Variants in ANKS1B observed in about 807,000 individuals in gnomAD.
The protein encoded by ANKS1B is ankyrin repeat and sterile alpha motif domain containing 1B, also known as ankyrin repeat and sterile alpha motif domain-containing protein 1B.
A neutral mutation model predicts 148.3 loss-of-function variants in ANKS1B; 36 were observed. The observed-to-expected ratio is 0.24, with a 90% CI of 0.19 to 0.32. ANKS1B has a LOEUF of 0.32. ANKS1B is among the 10% of genes least tolerant of loss of function. The probability of loss-of-function intolerance (pLI) is 1.00; values close to 1 mark genes in which losing one functional copy is unlikely to be tolerated. For synonymous variants in ANKS1B, 542 were observed against 560.8 expected (o/e 0.97, Z 0.47); for missense variants, 1,157 against 1,542.6 (o/e 0.75, Z 4.19).
chr12:98,975,464 T>C (rs1286705076), intron 17 of ANKS1B, among the ~76,000 whole-genome samples: 1 of 151,996 alleles, frequency 6.6e-6, no homozygotes, highest in East Asian at 1.9e-4. Context: ...AGTCACCGAA[T>C]GTTTTTTGAG....
At chr12:99,640,834 C>T (rs1238098301) in intron 9 of ANKS1B, among the ~76,000 whole-genome samples, 1 of 152,150 alleles carries the variant, frequency 6.6e-6, no homozygotes, top group Non-Finnish European at 1.5e-5. Flanking sequence ...AACTATTCTA[C>T]AGGAACTCAT....
Position 99,365,898 on chromosome 12 carries a change from T to TA in ANKS1B, c.1756+33732dup, listed in dbSNP as rs547785341. Among the ~76,000 whole-genome samples the TA allele has an allele frequency of 1.5e-3, 229 of 152,054 alleles. 1 individual carries two copies. Among genetic ancestry groups the TA allele is most frequent in the African/African-American group, 5.3e-3 (220 of 41,486 alleles). ...AGGGTCGTACTGAAACAAAATTGTATAAAAAAATAAGAAAAGAAAGAGAAT... is the reference window on the plus strand; with the variant it reads ...AGGGTCGTACTGAAACAAAATTGTATAAAAAAAATAAGAAAAGAAAGAGAAT... On this transcript the variant is annotated intron_variant, in intron 12 of 26. Transcript: ENST00000683438.
chr12:98,907,005 CTGTGTGTGTGTGTGTGTGTGTGTG>C (rs59857138), intron 17 of ANKS1B, among the ~76,000 whole-genome samples: 172 of 145,744 alleles, frequency 1.2e-3, no homozygotes, highest in African/African-American at 3.9e-3. Context: ...CATAGTTACT[CTGTGTGTGTGTGTGTGTGTGTGTG>C]TGTGTGTGTG....
intron 17 of ANKS1B, among the ~76,000 whole-genome samples, chr12:99,011,386 A>G (rs2099939314): frequency 6.6e-6 from 1 of 152,246 alleles, no homozygotes; most frequent in South Asian, 2.1e-4. Context: ...AAGTGTGAGT[A>G]AAATAACCGC....
intron 15 of ANKS1B, among the ~76,000 whole-genome samples, chr12:99,108,102 A>G (rs1566122693): frequency 6.6e-6 from 1 of 152,244 alleles, no homozygotes; most frequent in Admixed American, 6.5e-5. Context: ...ACATAGCTAC[A>G]TTACTGCAAG....
intron 1 of ANKS1B, among the ~76,000 whole-genome samples, chr12:99,887,435 T>C (rs2092885519): frequency 6.6e-6 from 1 of 152,216 alleles, no homozygotes; most frequent in Non-Finnish European, 1.5e-5. Context: ...TCTTTTCACG[T>C]TTCAAAGTGT....
chr12:99,376,874 C>T (rs1015366215), intron 12 of ANKS1B, among the ~76,000 whole-genome samples: 2 of 152,150 alleles, frequency 1.3e-5, no homozygotes, highest in Admixed American at 6.5e-5. Context: ...TCTCCTGAAT[C>T]AATCCCAGTA....
intron 1 of ANKS1B, among the ~76,000 whole-genome samples, chr12:99,906,375 A>ATTGG (rs2093782892): frequency 6.6e-6 from 1 of 152,248 alleles, no homozygotes; most frequent in Non-Finnish European, 1.5e-5. Flanking sequence ...ACTTTGTCCA[A>ATTGG]ACAAAGTCTT....
At chr12:99,849,040 G>A (rs1407108657) in intron 1 of ANKS1B, among the ~76,000 whole-genome samples, 1 of 152,084 alleles carries the variant, frequency 6.6e-6, no homozygotes, top group Non-Finnish European at 1.5e-5. Context: ...GGGAAATAAA[G>A]AGGGGGAAAG....
At chr12:99,621,461 G>GAAAA (rs199847091) in intron 9 of ANKS1B, among the ~76,000 whole-genome samples, 1 of 112,776 alleles carries the variant, frequency 8.9e-6, no homozygotes, top group Non-Finnish European at 1.9e-5. Flanking sequence ...AGGCAAATTG[G>GAAAA]AAAAAAAAAA....
At chr12:99,580,043 T>C (rs2097555672) in intron 9 of ANKS1B, among the ~76,000 whole-genome samples, 2 of 152,204 alleles carry the variant, frequency 1.3e-5, no homozygotes, top group Admixed American at 1.3e-4. Flanking sequence ...TTATGTCCTT[T>C]GCATCAACAT....
At chr12:98,762,979 A>T (rs1406762682) in intron 25 of ANKS1B, among the ~76,000 whole-genome samples, 2 of 152,146 alleles carry the variant, frequency 1.3e-5, no homozygotes, top group Non-Finnish European at 2.9e-5. Flanking sequence ...GAAAAGGGGG[A>T]ATATGGATGG....
Position 99,574,188 on chromosome 12 carries a change from A to T in ANKS1B, c.1273-69547T>A, listed in dbSNP as rs545616054. ...AAGAATCCAATGAAATCTCTGTTAC[A>T]GTTACATCACAGTTCAACTTCTTTT... is the stretch of plus-strand genomic sequence containing the variant. On this transcript the variant is annotated intron_variant, in intron 9 of 26. Transcript: ENST00000683438. Among the ~76,000 whole-genome samples, 38 of 152,254 alleles carry T rather than the reference A, an allele frequency of 2.5e-4. 2 individuals are homozygous for T. The East Asian group carries it at 2.5e-3, about 10-fold the overall frequency.
At chr12:99,191,780 C>T (rs1231380723) in intron 14 of ANKS1B, among the ~76,000 whole-genome samples, 5 of 152,064 alleles carry the variant, frequency 3.3e-5, no homozygotes, top group African/African-American at 9.7e-5. Flanking sequence ...CACCGTGGCA[C>T]GTGTATACCT....
At chr12:99,774,374 T>C (rs1415708059) in intron 7 of ANKS1B, among the ~76,000 whole-genome samples, 1 of 152,062 alleles carries the variant, frequency 6.6e-6, no homozygotes. Context: ...CCAAGGTATA[T>C]GAAAAGGTGC....
At chr12:98,991,020 G>C (rs1375781313) in intron 17 of ANKS1B, among the ~76,000 whole-genome samples, 1 of 152,202 alleles carries the variant, frequency 6.6e-6, no homozygotes, top group Non-Finnish European at 1.5e-5. Flanking sequence ...TTTTCTGAAA[G>C]TAAGTCAGTG....
chr12:99,337,750 T>G (rs2089205582), intron 12 of ANKS1B, among the ~76,000 whole-genome samples: 1 of 152,202 alleles, frequency 6.6e-6, no homozygotes, highest in African/African-American at 2.4e-5. Flanking sequence ...CTGAGACTTT[T>G]AGAGACTTAC....
In ANKS1B at chr12:99,812,896, A is replaced by C. The variant is rs150944225; in HGVS notation, c.216-585T>G. 5.6e-3 allele frequency among the ~76,000 whole-genome samples: 851 copies of C among 151,870 alleles called. 8 individuals are homozygous for C. The highest frequency in any genetic ancestry group is 0.019 in the African/African-American group (799 of 41,502). Reference sequence around the variant, plus strand: ...AAGAGATTTAAGGGGTATGTAAAAGAGAAAGAAAGTGCAGTATGTAAGGGA... The same window carrying C: ...AAGAGATTTAAGGGGTATGTAAAAGCGAAAGAAAGTGCAGTATGTAAGGGA... On this transcript the variant is annotated intron_variant, in intron 2 of 26. Transcript: ENST00000683438.
chr12:99,371,692 T>C (rs1250805835), intron 12 of ANKS1B, among the ~76,000 whole-genome samples: 1 of 152,134 alleles, frequency 6.6e-6, no homozygotes, highest in African/African-American at 2.4e-5. Context: ...AGTTTTACAA[T>C]TTCATATCTA....
Sources: gnomAD v4.1 joint callset for allele counts (sites outside exome capture counted in the v4.1 genomes callset) on GRCh38, gnomAD v4.1.1 for gene constraint, MANE v1.5 for transcripts, NCBI Gene and HGNC (gene_info 2026-07-23, HGNC 2026-07-21) for gene names.